The following PCDHA7 variants were observed in gnomAD, a reference collection of about 807,000 sequenced individuals.
The protein encoded by PCDHA7 is protocadherin alpha-7.
Under a neutral mutation model 57.2 loss-of-function variants are expected in PCDHA7, and 37 were observed. The observed-to-expected ratio is 0.65, with a 90% confidence interval of 0.50 to 0.85. PCDHA7 has a LOEUF of 0.85. Among genes scored for constraint, PCDHA7 ranks in the 40% least tolerant of loss-of-function variants. The pLI is 0.00. For synonymous variants in PCDHA7, 553 were observed against 558.8 expected (o/e 0.99, Z 0.15); for missense variants, 1,188 against 1,241.8 (o/e 0.96, Z 0.65).
intron 1 of PCDHA7, among the ~76,000 whole-genome samples, chr5:140,974,767 T>C (rs559758887): frequency 1.2e-4 from 18 of 152,098 alleles, no homozygotes; most frequent in Non-Finnish European, 2.4e-4. Flanking sequence ...GGATTACAGG[T>C]ATGAGCCACT....
At chr5:140,870,295 T>G (rs1037957284) in intron 1 of PCDHA7, 1 of 1,614,054 alleles carries the variant, frequency 6.2e-7, no homozygotes, top group Non-Finnish European at 8.5e-7. Context: ...CAAGCTGGTG[T>G]CCACCTTCAA....
chr5:140,990,304 A>C (rs114506238), intron 3 of PCDHA7, among the ~76,000 whole-genome samples: 1 of 152,168 alleles, frequency 6.6e-6, no homozygotes, highest in African/African-American at 2.4e-5. Context: ...CATTGTCTGT[A>C]AAAAACCAAC....
chr5:140,857,371 T>C (rs1203627643), intron 1 of PCDHA7: 2 of 1,598,092 alleles, frequency 1.3e-6, no homozygotes, highest in African/African-American at 2.7e-5. Flanking sequence ...CCAGCGTGTC[T>C]GTGGAGGTGG....
chr5:140,865,536 A>G (rs2048910301), intron 1 of PCDHA7: 1 of 152,222 alleles, frequency 6.6e-6, no homozygotes, highest in African/African-American at 2.4e-5. Flanking sequence ...CTTCATCCAT[A>G]GCTATAGGAC....
At chr5:140,851,602 G>A in intron 1 of PCDHA7, 1 of 918,032 alleles carries the variant, frequency 1.1e-6, no homozygotes, top group Non-Finnish European at 1.3e-6. Flanking sequence ...TCAGTTTACA[G>A]AAATTGGAGA....
chr5:140,996,172 C>G (rs1694773459), intron 3 of PCDHA7, among the ~76,000 whole-genome samples: 1 of 152,210 alleles, frequency 6.6e-6, no homozygotes, highest in African/African-American at 2.4e-5. Flanking sequence ...AATGTGCTGA[C>G]AGCACCTCCA....
rs782525734 is a variant in PCDHA7 at position 140,884,093 on chromosome 5, T to A, written c.2355+47355T>A. 3.1e-6 allele frequency: 5 copies of A among 1,613,500 alleles called. No homozygotes were observed. In the Admixed American group the frequency reaches 8.3e-5, roughly 27 times the overall value. ...TTCGGGCTACAATGCGTGGCTTTCGTATGAATTGCAGCTGGCGGCGGTCGG... is the reference window on the plus strand; with the variant it reads ...TTCGGGCTACAATGCGTGGCTTTCGAATGAATTGCAGCTGGCGGCGGTCGG... On this transcript the variant is annotated intron_variant, in intron 1 of 3. Coordinates refer to ENST00000525929, the MANE Select transcript of PCDHA7 (RefSeq NM_018910.3).
rs200161334 is a variant in PCDHA7, at chr5:140,967,904, C to T, written c.2356-11045C>T. ...TAGCCCAGTGCCTGAGAATGCTACACCCAACACCATTGTGGCCGTTCTCAG... is the reference window on the plus strand; with the variant it reads ...TAGCCCAGTGCCTGAGAATGCTACATCCAACACCATTGTGGCCGTTCTCAG... On this transcript the variant is annotated intron_variant, in intron 1 of 3. Coordinates refer to ENST00000525929, the MANE Select transcript of PCDHA7 (RefSeq NM_018910.3). The T allele has an allele frequency of 3.3e-5, 53 of 1,614,164 alleles. No individual in the cohort carries two copies. In the East Asian group the frequency reaches 9.1e-4, roughly 28 times the overall value.
intron 3 of PCDHA7, among the ~76,000 whole-genome samples, chr5:140,994,698 C>G (rs1238723224): frequency 6.6e-6 from 1 of 151,898 alleles, no homozygotes; most frequent in Non-Finnish European, 1.5e-5. Context: ...GAATGAGACC[C>G]TGTCTCAAAA....
intron 1 of PCDHA7, chr5:140,883,283 G>A (rs782514861): frequency 1.2e-6 from 2 of 1,614,034 alleles, no homozygotes; most frequent in Admixed American, 3.3e-5. Context: ...CCTTTTGGTG[G>A]AAGTACTAGA....
chr5:140,870,793 C>T, intron 1 of PCDHA7: 2 of 1,613,678 alleles, frequency 1.2e-6, no homozygotes, highest in Non-Finnish European at 1.7e-6. Context: ...CGCGCCGGCA[C>T]TGCTGGCGAC....
At chr5:140,901,284 G>T (rs868936344) in intron 1 of PCDHA7, among the ~76,000 whole-genome samples, 1 of 152,046 alleles carries the variant, frequency 6.6e-6, no homozygotes, top group Admixed American at 6.6e-5. Flanking sequence ...AGAAATTTTT[G>T]CCCAGACTGA....
chr5:140,884,440 G>C (rs1554181563), intron 1 of PCDHA7: 5 of 1,613,830 alleles, frequency 3.1e-6, no homozygotes, highest in Non-Finnish European at 2.5e-6. Context: ...TGCGGTGCTC[G>C]GCACCGCCCA....
chr5:140,925,106 G>GAA (rs1554202543), intron 1 of PCDHA7, among the ~76,000 whole-genome samples: 1 of 151,098 alleles, frequency 6.6e-6, no homozygotes, highest in African/African-American at 2.4e-5. Flanking sequence ...AGGAAGGAAG[G>GAA]AGGGAAGGAA....
chr5:140,945,346 A>C (rs2093775452), intron 1 of PCDHA7, among the ~76,000 whole-genome samples: 1 of 152,132 alleles, frequency 6.6e-6, no homozygotes, highest in South Asian at 2.1e-4. Context: ...AGCTTGGAAA[A>C]ATTAATACTG....
At chr5:140,980,436 C>T (rs1364418994) in intron 2 of PCDHA7, among the ~76,000 whole-genome samples, 1 of 152,134 alleles carries the variant, frequency 6.6e-6, no homozygotes, top group Admixed American at 6.5e-5. Context: ...TCGAGACCAT[C>T]CTGGACAACA....
In PCDHA7 at chr5:140,870,550, G is replaced by A. The variant is rs371515299; in HGVS notation, c.2355+33812G>A. On this transcript the variant is annotated intron_variant, in intron 1 of 3. Transcript: ENST00000525929. ...CACAGTGTCGGCGCGGGACGCGGAC[G>A]CGCAGGAGAACGCGCTGGTGTCCTA... 3.1e-6 allele frequency: 5 copies of A among 1,614,066 alleles called. No homozygotes were observed. In the African/African-American group the frequency reaches 6.7e-5, roughly 22 times the overall value.
In PCDHA7 at chr5:140,836,158, C is replaced by A. The variant is rs1774252589; in HGVS notation, c.1775C>A (p.Ala592Glu). The part of the protein sequence containing the change: ...PRSVGAGHVV[A>E]KVRAVDADSG... ...TCTGTGGGCGCGGGCCATGTGGTGG[C>A]GAAGGTACGTGCAGTTGACGCTGAC... The change falls in exon 1 of 4, where the codon GCG becomes GAG. Residue 592 changes from alanine to glutamate, a missense_variant. This residue lies in a region of PCDHA7 where 892 missense variants were observed against 788.5 expected (regional missense o/e 1.13). Coordinates refer to ENST00000525929, the MANE Select transcript of PCDHA7 (RefSeq NM_018910.3). The A allele has an allele frequency of 6.2e-7, 1 of 1,613,784 alleles. No homozygotes were observed. The highest frequency in any genetic ancestry group is 1.3e-5 in the African/African-American group (1 of 74,986).
At chr5:140,862,828 G>A in intron 1 of PCDHA7, 1 of 572,818 alleles carries the variant, frequency 1.7e-6, no homozygotes, top group Non-Finnish European at 3.3e-6. Context: ...GAGAGCGCGC[G>A]ACGCGGGCAT....
Sources: allele counts gnomAD v4.1 joint callset (sites outside exome capture counted in the v4.1 genomes callset), GRCh38; gene constraint gnomAD v4.1.1; regional missense constraint gnomAD v4.1.1; transcripts MANE v1.5; gene names NCBI Gene and HGNC (gene_info 2026-07-23, HGNC 2026-07-21).